FMNL3: variants seen among roughly 807,000 people sequenced by gnomAD.
FMNL3 encodes the protein formin like 3.
FMNL3 carries 57 observed loss-of-function variants against 119.6 expected under a neutral mutation model. The ratio of observed to expected loss-of-function variants is 0.48; its 90% confidence interval spans 0.39 to 0.59. The LOEUF (loss-of-function observed/expected upper bound fraction) is 0.59, where lower values mean the gene tolerates loss of function less well. Among genes scored for constraint, FMNL3 ranks in the 20% least tolerant of loss-of-function variants. The probability of loss-of-function intolerance (pLI) is 0.00; values close to 1 mark genes in which losing one functional copy is unlikely to be tolerated. For synonymous variants in FMNL3, 491 were observed against 507.3 expected (o/e 0.97, Z 0.43); for missense variants, 1,053 against 1,323.5 (o/e 0.80, Z 3.17).
At chr12:49,695,306 G>C (rs1187002066) in intron 1 of FMNL3, among the ~76,000 whole-genome samples, 1 of 152,010 alleles carries the variant, frequency 6.6e-6, no homozygotes, top group Non-Finnish European at 1.5e-5. Flanking sequence ...TACCCTTACA[G>C]ATACTTTTTT....
chr12:49,649,626 G>A lies in FMNL3; in HGVS notation c.2235+65C>T. 2 of 1,610,724 alleles carry A rather than the reference G, an allele frequency of 1.2e-6. No homozygotes were observed. The highest frequency in any genetic ancestry group is 2.2e-5 in the South Asian group (2 of 90,950). On this transcript the variant is annotated intron_variant, in intron 18 of 25. Transcript: ENST00000335154. This position sits in a 1 kb window ranked among gnomAD's most constrained non-coding sequence, Gnocchi z 5.6. Reference sequence around the variant, plus strand: ...TCAGAAGGACTGGAAGGGCAGGGGAGGTGACTAGCAGATGGAGGGTGGAGG... The same window carrying A: ...TCAGAAGGACTGGAAGGGCAGGGGAAGTGACTAGCAGATGGAGGGTGGAGG...
chr12:49,668,755 G>A (rs1229335195), intron 1 of FMNL3, among the ~76,000 whole-genome samples: 2 of 152,072 alleles, frequency 1.3e-5, no homozygotes, highest in African/African-American at 4.8e-5. Flanking sequence ...CCAAACCACT[G>A]GTAGTAGAAT....
intron 4 of FMNL3, among the ~76,000 whole-genome samples, chr12:49,663,740 G>C (rs1314397783): frequency 6.6e-6 from 1 of 152,210 alleles, no homozygotes; most frequent in Non-Finnish European, 1.5e-5. Context: ...CAGGCACCAG[G>C]TAGAGGGGGC....
At chr12:49,658,310 G>C in intron 6 of FMNL3, 132 bp downstream of exon 6, 1 of 1,294,252 alleles carries the variant, frequency 7.7e-7, no homozygotes, top group East Asian at 2.6e-5. Context: ...AGACAGACTG[G>C]CAGGCAGAGG....
Position 49,643,747 on chromosome 12 carries a change from A to G in FMNL3, c.*2068T>C, listed in dbSNP as rs1565855983. ...AAAGAAAACTAAGAAGAGAAGACAC[A>G]AGTCGGTGAGTGAAGGAACTTCTAC... On this transcript the variant is annotated 3_prime_UTR_variant, in exon 26 of 26. Coordinates refer to ENST00000335154, the MANE Select transcript of FMNL3 (RefSeq NM_175736.5). 1 of 1,614,148 alleles carries G rather than the reference A, an allele frequency of 6.2e-7. No homozygotes were observed. The highest frequency in any genetic ancestry group is 1.7e-5 in the Admixed American group (1 of 60,022).
At chr12:49,673,161 G>A (rs1322917883) in intron 1 of FMNL3, among the ~76,000 whole-genome samples, 1 of 152,202 alleles carries the variant, frequency 6.6e-6, no homozygotes, top group Non-Finnish European at 1.5e-5. Context: ...GGGACAGGGA[G>A]TCCTGAGAAA....
intron 1 of FMNL3, among the ~76,000 whole-genome samples, chr12:49,684,178 G>T (rs1944402478): frequency 6.6e-6 from 1 of 152,164 alleles, no homozygotes; most frequent in East Asian, 1.9e-4. Flanking sequence ...CTAAGCACTT[G>T]CTGAGTGCAT....
chr12:49,651,914 C>T lies in FMNL3; in HGVS notation c.1603+19G>A, dbSNP rs1943414265. 6.4e-7 allele frequency: 1 copy of T among 1,562,312 alleles called. No homozygotes were observed. Among genetic ancestry groups the T allele is most frequent in the Non-Finnish European group, 8.7e-7 (1 of 1,151,450 alleles). On this transcript the variant is annotated intron_variant, in intron 14 of 25. Transcript: ENST00000335154. The stretch of plus-strand genomic sequence containing the variant: ...CAAAGAGGCTGCCCCTGTTGGCTCC[C>T]AGGGGTCGTCGTGGTTACCTGGTAA...
Position 49,654,271 on chromosome 12 carries a change from A to G in FMNL3, c.992T>C (p.Val331Ala), listed in dbSNP as rs770435484. ...GAAGTTCATGTCCTCCACCGAGTGCACCACGATGTTGATGAACTGCATGCA... is the reference window on the plus strand; with the variant it reads ...GAAGTTCATGTCCTCCACCGAGTGCGCCACGATGTTGATGAACTGCATGCA... ...VACMQFINIV[V>A]HSVEDMNFRV... The change falls in exon 11 of 26, where the codon GTG becomes GCG. Residue 331 changes from valine to alanine, a missense_variant. Coordinates refer to ENST00000335154, the MANE Select transcript of FMNL3 (RefSeq NM_175736.5). 6.2e-7 allele frequency: 1 copy of G among 1,614,112 alleles called. No individual in the cohort carries two copies. Among genetic ancestry groups the G allele is most frequent in the Admixed American group, 1.7e-5 (1 of 60,020 alleles).
chr12:49,637,384 TC>T lies in FMNL3; in HGVS notation c.*8430del, dbSNP rs1941974450. 1.1e-6 allele frequency: 1 copy of T among 878,602 alleles called. No homozygotes were observed. The highest frequency in any genetic ancestry group is 1.8e-6 in the Non-Finnish European group (1 of 544,230). The allele number at this position is 878,602 out of a possible 1,614,324, so 54.4% of individuals were successfully genotyped here. ...CTCAATCTTGATTGTCCCTGCCTCT[TC>T]CTCTGCCATTCCCTCTCTTCCCCCT... On this transcript the variant is annotated 3_prime_UTR_variant, in exon 26 of 26. Coordinates refer to ENST00000335154, the MANE Select transcript of FMNL3 (RefSeq NM_175736.5).
At chr12:49,648,063 C>T (rs188541601) in intron 22 of FMNL3, 130 bp downstream of exon 22, 19 of 1,202,250 alleles carry the variant, frequency 1.6e-5, no homozygotes, top group Middle Eastern at 2.9e-4. Flanking sequence ...ACTCCCAAAG[C>T]GCTCTCTCTC....
intron 1 of FMNL3, among the ~76,000 whole-genome samples, chr12:49,672,512 G>T (rs965237662): frequency 6.6e-6 from 1 of 152,230 alleles, no homozygotes; most frequent in Non-Finnish European, 1.5e-5. Flanking sequence ...CTCCAGCAAG[G>T]CTGCTCTGTT....
At chr12:49,688,917 A>G (rs1012859941) in intron 1 of FMNL3, among the ~76,000 whole-genome samples, 3 of 152,242 alleles carry the variant, frequency 2.0e-5, no homozygotes, top group African/African-American at 7.2e-5. Context: ...CATTGTTAAT[A>G]ATAAAAATTA....
intron 1 of FMNL3, among the ~76,000 whole-genome samples, chr12:49,668,955 G>A (rs1943965710): frequency 6.6e-6 from 1 of 152,046 alleles, no homozygotes; most frequent in African/African-American, 2.4e-5. Flanking sequence ...ACATGAGATG[G>A]GTCAAAAAAT....
intron 11 of FMNL3, 85 bp downstream of exon 11, chr12:49,654,107 A>T: frequency 1.5e-6 from 2 of 1,318,026 alleles, no homozygotes; most frequent in Non-Finnish European, 2.1e-6. Context: ...ATCAAGGATT[A>T]GGCACTTATA....
chr12:49,652,923 AG>A, intron 13 of FMNL3, among the ~76,000 whole-genome samples: 1 of 152,176 alleles, frequency 6.6e-6, no homozygotes, highest in Non-Finnish European at 1.5e-5. Flanking sequence ...ACGGGGGTAG[AG>A]GGGAGAAAAA....
chr12:49,657,178 G>A lies in FMNL3; in HGVS notation c.618C>T (p.Leu206=), dbSNP rs1592651861. The change falls in exon 7 of 26, where the codon CTC becomes CTT. Residue 206 remains leucine (L), a synonymous_variant. Transcript: ENST00000335154. ...ARQSVLRYST[L]PGRRALKNSR... Reference sequence around the variant, plus strand: ...AGTTCTTCAGGGCCCTGCGCCCAGGGAGAGTGCTATACCTGGGGAGATGGG... The same window carrying A: ...AGTTCTTCAGGGCCCTGCGCCCAGGAAGAGTGCTATACCTGGGGAGATGGG... 1 of 1,613,722 alleles carries A rather than the reference G, an allele frequency of 6.2e-7. No homozygotes were observed. Among genetic ancestry groups the A allele is most frequent in the Non-Finnish European group, 8.5e-7 (1 of 1,179,672 alleles).
chr12:49,683,326 A>G (rs570562490), intron 1 of FMNL3, among the ~76,000 whole-genome samples: 1 of 152,214 alleles, frequency 6.6e-6, no homozygotes, highest in East Asian at 1.9e-4. Flanking sequence ...AGGCTTTGCA[A>G]CCTCATGTGT....
At position 49,707,264 on chromosome 12, in the gene FMNL3, C is replaced by T; in HGVS notation, c.-84G>A. ...CTCCGCGGCTCCGACCAGGCTCCTC[C>T]CTCAGCGCCGGCTCCCCGAGTCCCG... On this transcript the variant is annotated 5_prime_UTR_variant, in exon 1 of 26. Transcript: ENST00000335154. 2 of 1,283,622 alleles carry T rather than the reference C, an allele frequency of 1.6e-6. No individual in the cohort carries two copies. Among genetic ancestry groups the T allele is most frequent in the Middle Eastern group, 2.7e-4 (1 of 3,720 alleles). The allele number at this position is 1,283,622 out of a possible 1,614,324, so 79.5% of individuals were successfully genotyped here.
Sources: gnomAD v4.1 joint callset for allele counts (sites outside exome capture counted in the v4.1 genomes callset) on GRCh38, gnomAD v4.1.1 for gene constraint, Gnocchi (gnomAD v3.1) non-coding constraint, MANE v1.5 for transcripts, NCBI Gene and HGNC (gene_info 2026-07-23, HGNC 2026-07-21) for gene names.